The following XKR4 variants were observed in gnomAD, a reference collection of about 807,000 sequenced individuals.
XKR4 encodes XK-related protein 4.
XKR4 carries 12 observed loss-of-function variants against 53.9 expected under a neutral mutation model. The ratio of observed to expected loss-of-function variants is 0.22; its 90% CI spans 0.14 to 0.36. XKR4 has a LOEUF of 0.36. Among genes scored for constraint, XKR4 ranks in the 10% least tolerant of loss-of-function variants. The pLI is 1.00. For synonymous variants in XKR4, 354 were observed against 362.4 expected (o/e 0.98, Z 0.26); for missense variants, 799 against 859.5 (o/e 0.93, Z 0.88).
rs142287197 is a variant in XKR4 at position 55,249,909 on chromosome 8, A to G, written c.807-107769A>G. Among the ~76,000 whole-genome samples, 105 of 152,354 alleles carry G rather than the reference A, an allele frequency of 6.9e-4. 1 individual carries two copies. Among genetic ancestry groups the G allele is most frequent in the Non-Finnish European group, 6.3e-4 (43 of 68,034 alleles). ...ATTTGCGGTACTCTAATGTATAAGA[A>G]TGTGAGTAGGAAACTGAAACTTCAG... On this transcript the variant is annotated intron_variant, in intron 1 of 2. Coordinates refer to ENST00000327381, the MANE Select transcript of XKR4 (RefSeq NM_052898.2).
intron 2 of XKR4, among the ~76,000 whole-genome samples, chr8:55,364,436 G>A (rs372103079): frequency 6.6e-6 from 1 of 152,190 alleles, no homozygotes; most frequent in East Asian, 1.9e-4. Context: ...CTTCTGTAGC[G>A]TGTTCTCCCC....
At chr8:55,491,015 G>A (rs2129402169) in intron 2 of XKR4, among the ~76,000 whole-genome samples, 1 of 152,070 alleles carries the variant, frequency 6.6e-6, no homozygotes, top group African/African-American at 2.4e-5. Context: ...GCTCAGATGG[G>A]TTTTTCCAGC....
At chr8:55,116,778 T>C (rs1406710968) in intron 1 of XKR4, among the ~76,000 whole-genome samples, 1 of 152,002 alleles carries the variant, frequency 6.6e-6, no homozygotes, top group Non-Finnish European at 1.5e-5. Context: ...TGCTGGGAGG[T>C]GATTTTTTGG....
chr8:55,471,860 C>A (rs1422086348), intron 2 of XKR4, among the ~76,000 whole-genome samples: 1 of 152,152 alleles, frequency 6.6e-6, no homozygotes, highest in Non-Finnish European at 1.5e-5. Context: ...TGGAAACTTC[C>A]TGAGGCCTCC....
chr8:55,240,807 A>G (rs1327554795), intron 1 of XKR4, among the ~76,000 whole-genome samples: 1 of 152,178 alleles, frequency 6.6e-6, no homozygotes, highest in Non-Finnish European at 1.5e-5. Flanking sequence ...GATACATGTG[A>G]CTCATGTGAC....
intron 1 of XKR4, among the ~76,000 whole-genome samples, chr8:55,173,134 C>G (rs1165566598): frequency 6.6e-6 from 1 of 151,992 alleles, no homozygotes; most frequent in Non-Finnish European, 1.5e-5. Flanking sequence ...GCTGTCCTGC[C>G]CCCGATCTCC....
rs188108758 is a variant in XKR4 at position 55,378,335 on chromosome 8, G to A, written c.1006+20458G>A. 9.8e-5 allele frequency among the ~76,000 whole-genome samples: 15 copies of A among 152,296 alleles called. No individual in the cohort carries two copies. In the South Asian group the frequency reaches 1.7e-3, roughly 17 times the overall value. On this transcript the variant is annotated intron_variant, in intron 2 of 2. Transcript: ENST00000327381. ...AAGAGAGCTGTCAGTGGCTAATAAC[G>A]TGCAAATGCAAGATTCGTCTGAATG...
At chr8:55,515,388 T>C (rs1806696810) in intron 2 of XKR4, among the ~76,000 whole-genome samples, 2 of 152,192 alleles carry the variant, frequency 1.3e-5, no homozygotes, top group African/African-American at 4.8e-5. Flanking sequence ...GATCTGAGCA[T>C]AGAGGTTGTC....
chr8:55,456,974 C>T (rs1805578913), intron 2 of XKR4, among the ~76,000 whole-genome samples: 1 of 151,478 alleles, frequency 6.6e-6, no homozygotes, highest in Non-Finnish European at 1.5e-5. Context: ...CACCTAGACA[C>T]ATCATAATCA....
intron 2 of XKR4, among the ~76,000 whole-genome samples, chr8:55,487,638 T>C (rs929947396): frequency 1.3e-5 from 2 of 152,146 alleles, no homozygotes; most frequent in African/African-American, 4.8e-5. Context: ...AGATAACTTT[T>C]TTGTATTTTT....
chr8:55,452,208 AT>A, intron 2 of XKR4: 1 of 686,546 alleles, frequency 1.5e-6, no homozygotes. Context: ...ATCAAAGGCC[AT>A]TTTCAGCAGC....
At chr8:55,495,393 C>A (rs1227142890) in intron 2 of XKR4, among the ~76,000 whole-genome samples, 1 of 152,206 alleles carries the variant, frequency 6.6e-6, no homozygotes, top group Non-Finnish European at 1.5e-5. Flanking sequence ...AGGAGCAGGG[C>A]TTCCACTTGT....
intron 1 of XKR4, among the ~76,000 whole-genome samples, chr8:55,241,837 G>T (rs1818214411): frequency 6.6e-6 from 1 of 152,128 alleles, no homozygotes. Context: ...CTCAGTGAAT[G>T]ATATCTATTA....
intron 2 of XKR4, among the ~76,000 whole-genome samples, chr8:55,486,655 T>C (rs537034698): frequency 6.6e-6 from 1 of 152,344 alleles, no homozygotes; most frequent in Admixed American, 6.5e-5. Context: ...ACTTGATCTT[T>C]GAAACACTCA....
At chr8:55,109,773 A>G (rs1213338994) in intron 1 of XKR4, among the ~76,000 whole-genome samples, 1 of 152,216 alleles carries the variant, frequency 6.6e-6, no homozygotes, top group Non-Finnish European at 1.5e-5. Flanking sequence ...GCATCTGTAT[A>G]CATGTATACT....
At chr8:55,422,831 C>A (rs542737713) in intron 2 of XKR4, among the ~76,000 whole-genome samples, 1 of 151,952 alleles carries the variant, frequency 6.6e-6, no homozygotes, top group South Asian at 2.1e-4. Context: ...GCATTGCATT[C>A]GTTTAATAAG....
chr8:55,452,444 C>T (rs540634563), intron 2 of XKR4: 6 of 621,980 alleles, frequency 9.6e-6, no homozygotes, highest in South Asian at 3.5e-5. Flanking sequence ...CCGCACTGCC[C>T]GCCCTCGCAC....
At chr8:55,156,247 G>GGAATCTTGCTAGGA (rs1360551811) in intron 1 of XKR4, among the ~76,000 whole-genome samples, 3 of 151,886 alleles carry the variant, frequency 2.0e-5, no homozygotes, top group Non-Finnish European at 4.4e-5. Flanking sequence ...GTATTTGGCA[G>GGAATCTTGCTAGGA]ATCTGTTGGA....
intron 1 of XKR4, among the ~76,000 whole-genome samples, chr8:55,176,461 G>T (rs533999467): frequency 1.3e-5 from 2 of 151,508 alleles, no homozygotes; most frequent in African/African-American, 4.8e-5. Flanking sequence ...GTGTGTGTGC[G>T]TGTGTGTGTG....
Sources: allele counts gnomAD v4.1 joint callset (sites outside exome capture counted in the v4.1 genomes callset), GRCh38; gene constraint gnomAD v4.1.1; transcripts MANE v1.5; gene names NCBI Gene and HGNC (gene_info 2026-07-23, HGNC 2026-07-21).